Variants in THSD7B observed in about 807,000 individuals in gnomAD.
The protein encoded by THSD7B is thrombospondin type-1 domain-containing protein 7B.
In THSD7B, 138 loss-of-function variants were observed where a neutral mutation model predicts 213.6. The ratio of observed to expected loss-of-function variants is 0.65; its 90% CI spans 0.56 to 0.74. THSD7B has a LOEUF of 0.74. Ranked by LOEUF, THSD7B falls within the 30% of genes least tolerant of loss-of-function variation. THSD7B has a pLI of 0.00. For missense variants in THSD7B, 1,931 were observed against 1,991.5 expected, an observed-to-expected ratio of 0.97 and a Z score of 0.58; for synonymous variants, 742 against 687.0, an observed-to-expected ratio of 1.08 and a Z score of -1.25.
At chr2:137,070,956 C>T (rs1446993717) in intron 3 of THSD7B, among the ~76,000 whole-genome samples, 2 of 152,202 alleles carry the variant, frequency 1.3e-5, no homozygotes, top group Non-Finnish European at 2.9e-5. Flanking sequence ...TTAATCCAAT[C>T]TGTCGTTGTT....
At chr2:137,661,405 C>T (rs1416817250) in intron 25 of THSD7B, among the ~76,000 whole-genome samples, 4 of 151,954 alleles carry the variant, frequency 2.6e-5, no homozygotes, top group South Asian at 2.1e-4. Flanking sequence ...AGGTATATTT[C>T]TCTTGAGCAT....
rs1194192962 is a variant in THSD7B at position 137,170,738 on chromosome 2, T to C, written c.1526-3T>C. ...CTGAAAATTCTTTTCTCTCTCTTTT[T>C]AGGATTTAGAACGAGGCAGCGCCAT... is the stretch of plus-strand genomic sequence containing the variant. On this transcript the variant is annotated splice_region_variant and splice_polypyrimidine_tract_variant and intron_variant, in intron 6 of 27. Coordinates refer to ENST00000409968, the MANE Select transcript of THSD7B (RefSeq NM_001316349.2). The C allele has an allele frequency of 6.2e-7, 1 of 1,605,930 alleles. No homozygotes were observed. The highest frequency in any genetic ancestry group is 1.7e-5 in the Admixed American group (1 of 59,072).
At chr2:137,266,907 A>G (rs973936175) in intron 10 of THSD7B, among the ~76,000 whole-genome samples, 1 of 152,192 alleles carries the variant, frequency 6.6e-6, no homozygotes, top group African/African-American at 2.4e-5. Flanking sequence ...ATTGTAGCTC[A>G]TTAATCGAAT....
intron 1 of THSD7B, among the ~76,000 whole-genome samples, chr2:136,851,933 C>CTATATATATATATATATATATATA (rs35929047): frequency 1.4e-3 from 211 of 148,030 alleles, no homozygotes; most frequent in African/African-American, 4.9e-3. Flanking sequence ...CAATACACAA[C>CTATATATATATATATATATATATA]TATATATATA....
At chr2:136,986,720 T>A (rs1685680830) in intron 2 of THSD7B, among the ~76,000 whole-genome samples, 1 of 152,194 alleles carries the variant, frequency 6.6e-6, no homozygotes, top group South Asian at 2.1e-4. Context: ...AAAGTCAGAT[T>A]AGTGTTCATT....
intron 12 of THSD7B, among the ~76,000 whole-genome samples, chr2:137,284,518 C>A (rs1011409870): frequency 8.5e-5 from 13 of 152,064 alleles, no homozygotes; most frequent in African/African-American, 2.7e-4. Flanking sequence ...ATCTTTCCTG[C>A]TTTCTCTTGT....
intron 12 of THSD7B, among the ~76,000 whole-genome samples, chr2:137,401,582 G>T (rs1686362460): frequency 6.6e-6 from 1 of 150,720 alleles, no homozygotes; most frequent in Non-Finnish European, 1.5e-5. Flanking sequence ...ACTAATTCCT[G>T]GTCTGAACTG....
chr2:137,067,529 C>G (rs932295082), intron 3 of THSD7B, among the ~76,000 whole-genome samples: 4 of 151,898 alleles, frequency 2.6e-5, no homozygotes, highest in African/African-American at 9.7e-5. Flanking sequence ...TATTCAGGAG[C>G]CCTATTCATG....
chr2:137,516,673 C>G (rs1437964307), intron 15 of THSD7B, among the ~76,000 whole-genome samples: 1 of 151,890 alleles, frequency 6.6e-6, no homozygotes, highest in Non-Finnish European at 1.5e-5. Flanking sequence ...CGGACTCATT[C>G]TGTGGTCATT....
chr2:136,811,147 T>C (rs966718644), intron 1 of THSD7B, among the ~76,000 whole-genome samples: 4 of 152,216 alleles, frequency 2.6e-5, no homozygotes, highest in Non-Finnish European at 5.9e-5. Flanking sequence ...TCTAGTGTCC[T>C]CTTCCACTGC....
At chr2:136,832,251 A>G (rs933110626) in intron 1 of THSD7B, among the ~76,000 whole-genome samples, 2 of 151,630 alleles carry the variant, frequency 1.3e-5, no homozygotes, top group East Asian at 1.9e-4. Context: ...TATCTCACAC[A>G]GTTATGGAGG....
chr2:136,880,025 TA>T (rs1263597198), intron 1 of THSD7B, among the ~76,000 whole-genome samples: 1 of 152,130 alleles, frequency 6.6e-6, no homozygotes, highest in African/African-American at 2.4e-5. Context: ...TGGGAAACTA[TA>T]ACACCCCACT....
At chr2:137,154,318 A>G (rs778789526) in intron 5 of THSD7B, among the ~76,000 whole-genome samples, 1 of 152,108 alleles carries the variant, frequency 6.6e-6, no homozygotes, top group East Asian at 1.9e-4. Context: ...GATGAACTCC[A>G]TTATGCCTTG....
chr2:137,511,271 C>T (rs756460236), intron 15 of THSD7B, among the ~76,000 whole-genome samples: 1 of 152,152 alleles, frequency 6.6e-6, no homozygotes. Flanking sequence ...TTGAAAGTCT[C>T]TGTCTGCTAA....
At chr2:137,298,137 G>T (rs62171144) in intron 12 of THSD7B, among the ~76,000 whole-genome samples, 9,362 of 152,140 alleles carry the variant, frequency 0.062, 544 homozygotes, top group African/African-American at 0.14. Flanking sequence ...AACAATAAAG[G>T]CCAGGCTGAG....
intron 4 of THSD7B, among the ~76,000 whole-genome samples, chr2:137,110,721 T>C (rs879845068): frequency 1.7e-4 from 26 of 152,254 alleles, no homozygotes; most frequent in Non-Finnish European, 2.6e-4. Context: ...CCTTTACTTA[T>C]GTTTTATTTC....
At chr2:137,413,438 A>G (rs1222815841) in intron 14 of THSD7B, among the ~76,000 whole-genome samples, 1 of 152,234 alleles carries the variant, frequency 6.6e-6, no homozygotes, top group Non-Finnish European at 1.5e-5. Context: ...CAAATACATA[A>G]AAAGAATTTC....
intron 15 of THSD7B, among the ~76,000 whole-genome samples, chr2:137,458,657 G>C (rs1385177521): frequency 2.0e-5 from 3 of 152,078 alleles, no homozygotes; most frequent in African/African-American, 7.2e-5. Context: ...TGGCTATTGT[G>C]TATGCTGTTA....
intron 6 of THSD7B, among the ~76,000 whole-genome samples, chr2:137,160,908 C>T (rs1680007696): frequency 6.6e-6 from 1 of 152,272 alleles, no homozygotes; most frequent in South Asian, 2.1e-4. Flanking sequence ...AGGCGTGAGC[C>T]ACTGTGCCTG....
Sources: gnomAD v4.1 joint callset for allele counts (sites outside exome capture counted in the v4.1 genomes callset) on GRCh38, gnomAD v4.1.1 for gene constraint, MANE v1.5 for transcripts, NCBI Gene and HGNC (gene_info 2026-07-23, HGNC 2026-07-21) for gene names.